SRRM4: variants seen among roughly 807,000 people sequenced by gnomAD.
SRRM4 encodes serine/arginine repetitive matrix protein 4.
A neutral mutation model predicts 68.9 loss-of-function variants in SRRM4; 33 were observed. The ratio of observed to expected loss-of-function variants is 0.48; its 90% CI spans 0.36 to 0.64. The LOEUF (loss-of-function observed/expected upper bound fraction) is 0.64. Ranked by LOEUF, SRRM4 falls within the 30% of genes least tolerant of loss-of-function variation. SRRM4 has a pLI of 0.00. For missense variants in SRRM4, 817 were observed against 827.1 expected, an observed-to-expected ratio of 0.99 and a Z score of 0.15; for synonymous variants, 318 against 318.8, an observed-to-expected ratio of 1.00 and a Z score of 0.03.
At chr12:119,035,425 G>C (rs1265519356) in intron 1 of SRRM4, among the ~76,000 whole-genome samples, 2 of 152,212 alleles carry the variant, frequency 1.3e-5, no homozygotes, top group Non-Finnish European at 2.9e-5. Context: ...TTAGTTTGCA[G>C]ATAGAAGTAA....
rs757652739 is a variant in SRRM4, at chr12:119,114,322, G to A, written c.323G>A (p.Gly108Glu). ...KDLTPPPSSR[G>E]KKKKKKSTRK... Reference sequence around the variant, plus strand: ...TTGACACCACCACCTTCCTCCAGGGGAAAGAAGAAAAAGAAGAAATCCACT... The same window carrying A: ...TTGACACCACCACCTTCCTCCAGGGAAAAGAAGAAAAAGAAGAAATCCACT... Residue 108 changes from glycine (G) to glutamate (E), a missense_variant, in exon 3 of 13, where the codon GGA (glycine) becomes GAA (glutamate). By Grantham distance (98) the Gly-to-Glu change is moderately conservative. Transcript: ENST00000267260. 1.2e-5 allele frequency: 20 copies of A among 1,611,892 alleles called. No homozygotes were observed. The highest frequency in any genetic ancestry group is 1.6e-5 in the Non-Finnish European group (19 of 1,179,058).
chr12:119,038,305 G>A (rs1264294233), intron 1 of SRRM4, among the ~76,000 whole-genome samples: 3 of 150,796 alleles, frequency 2.0e-5, no homozygotes, highest in African/African-American at 7.3e-5. Flanking sequence ...TCCGCCTTCC[G>A]GGTTCATGCC....
chr12:119,092,738 C>T (rs544322210), intron 1 of SRRM4, among the ~76,000 whole-genome samples: 12 of 152,276 alleles, frequency 7.9e-5, no homozygotes, highest in Admixed American at 3.3e-4. Context: ...GCCATATAGG[C>T]TCAGCAAGAT....
chr12:119,010,321 GGGAGTA>G (rs1953441465), intron 1 of SRRM4, among the ~76,000 whole-genome samples: 1 of 152,220 alleles, frequency 6.6e-6, no homozygotes, highest in Non-Finnish European at 1.5e-5. Context: ...CCAGAGTGCT[GGGAGTA>G]CAGGCATGAG....
chr12:118,986,881 G>T (rs774619912), intron 1 of SRRM4, among the ~76,000 whole-genome samples: 1 of 151,998 alleles, frequency 6.6e-6, no homozygotes, highest in Non-Finnish European at 1.5e-5. Flanking sequence ...CAGGCATGCT[G>T]CAGAAGAGCA....
chr12:119,078,827 G>A (rs777369050), intron 1 of SRRM4, among the ~76,000 whole-genome samples: 4 of 152,178 alleles, frequency 2.6e-5, no homozygotes, highest in Admixed American at 6.5e-5. Context: ...CTACTCTGGA[G>A]GCTGAGGCAG....
intron 1 of SRRM4, among the ~76,000 whole-genome samples, chr12:119,063,286 T>C (rs1371579073): frequency 6.6e-6 from 1 of 152,188 alleles, no homozygotes; most frequent in Non-Finnish European, 1.5e-5. Flanking sequence ...GTGCATTTAT[T>C]AGTAAGGATA....
Position 119,156,902 on chromosome 12 carries a change from A to C in SRRM4, c.*104A>C. On this transcript the variant is annotated 3_prime_UTR_variant, in exon 13 of 13. Transcript: ENST00000267260. ...GGTGACAAATAGTGAGGGCTCCTAT[A>C]CCTTGTCCTTCCTGCTTGCCTAGGG... is the stretch of plus-strand genomic sequence containing the variant. 2 of 1,342,206 alleles carry C rather than the reference A, an allele frequency of 1.5e-6. No individual in the cohort carries two copies. Among genetic ancestry groups the C allele is most frequent in the Non-Finnish European group, 2.0e-6 (2 of 1,014,208 alleles). 83.1% of individuals were successfully genotyped at this position (1,342,206 alleles called of 1,614,324 possible). A position where few individuals can be genotyped will look rare whatever the true frequency, so the allele number is the denominator to read the frequency against.
At chr12:119,113,951 A>G (rs535403359) in intron 2 of SRRM4, 99 of 187,812 alleles carry the variant, frequency 5.3e-4, no homozygotes, top group African/African-American at 2.2e-3. Flanking sequence ...CTGATGAGTT[A>G]TTTAAAAAGT....
At chr12:118,984,723 G>A (rs1953271744) in intron 1 of SRRM4, among the ~76,000 whole-genome samples, 1 of 152,140 alleles carries the variant, frequency 6.6e-6, no homozygotes, top group East Asian at 1.9e-4. Context: ...CTACCCCTCT[G>A]TGGGGCATAC....
chr12:119,127,484 T>C (rs1378787734), intron 7 of SRRM4, among the ~76,000 whole-genome samples: 1 of 151,698 alleles, frequency 6.6e-6, no homozygotes, highest in African/African-American at 2.4e-5. Context: ...TCCTAGCACT[T>C]TGGGGGGCCG....
intron 1 of SRRM4, among the ~76,000 whole-genome samples, chr12:119,015,091 C>T (rs1428824552): frequency 1.3e-5 from 2 of 152,154 alleles, no homozygotes; most frequent in Non-Finnish European, 2.9e-5. Context: ...GGCTGAACTA[C>T]AGGTGTGGAT....
At chr12:118,990,086 T>G (rs1953307086) in intron 1 of SRRM4, 1 of 152,214 alleles carries the variant, frequency 6.6e-6, no homozygotes, top group African/African-American at 2.4e-5. Flanking sequence ...GTACTTATAA[T>G]AATTCCAGAA....
At chr12:119,027,402 T>C (rs1018046317) in intron 1 of SRRM4, among the ~76,000 whole-genome samples, 1 of 152,182 alleles carries the variant, frequency 6.6e-6, no homozygotes, top group African/African-American at 2.4e-5. Flanking sequence ...TCCTGAAAGG[T>C]CACGTCCCTT....
intron 1 of SRRM4, among the ~76,000 whole-genome samples, chr12:119,013,648 A>G (rs1358141020): frequency 6.6e-6 from 1 of 152,198 alleles, no homozygotes; most frequent in Non-Finnish European, 1.5e-5. Flanking sequence ...TTTAAAATAT[A>G]TGACTGCATT....
At chr12:119,156,354 A>G in intron 12 of SRRM4, 141 bp from the exon 13 acceptor site, 1 of 1,297,742 alleles carries the variant, frequency 7.7e-7, no homozygotes, top group South Asian at 1.6e-5. Context: ...TCAGCACTGC[A>G]AGAGAAGTGG....
chr12:119,023,407 T>A (rs958072236), intron 1 of SRRM4, among the ~76,000 whole-genome samples: 6 of 152,142 alleles, frequency 3.9e-5, no homozygotes, highest in Admixed American at 6.6e-5. Context: ...TTCCCTTAGG[T>A]GAGGGTGACT....
chr12:119,137,454 G>A (rs1390790641), intron 8 of SRRM4, among the ~76,000 whole-genome samples: 1 of 152,148 alleles, frequency 6.6e-6, no homozygotes, highest in Non-Finnish European at 1.5e-5. Flanking sequence ...TTCCCTGGAG[G>A]GCTGAGAGAG....
chr12:119,136,661 A>G (rs936129629), intron 8 of SRRM4, among the ~76,000 whole-genome samples: 1 of 152,210 alleles, frequency 6.6e-6, no homozygotes, highest in Admixed American at 6.5e-5. Context: ...ATTTAGCAGG[A>G]TGAAAAACTA....
Sources: gnomAD v4.1 joint callset for allele counts (sites outside exome capture counted in the v4.1 genomes callset) on GRCh38, gnomAD v4.1.1 for gene constraint, MANE v1.5 for transcripts, NCBI Gene and HGNC (gene_info 2026-07-23, HGNC 2026-07-21) for gene names.